Variants in SYTL2 observed in about 807,000 individuals in gnomAD.
The protein encoded by SYTL2 is synaptotagmin like 2.
Under a neutral mutation model 198.7 loss-of-function variants are expected in SYTL2, and 165 were observed. The observed-to-expected ratio is 0.83, with a 90% confidence interval of 0.73 to 0.94. The LOEUF (loss-of-function observed/expected upper bound fraction) is 0.94, where lower values mean the gene tolerates loss of function less well. Ranked by LOEUF, SYTL2 falls within the 40% of genes least tolerant of loss-of-function variation. SYTL2 has a pLI of 0.00. For missense variants in SYTL2, 2,835 were observed against 2,582.8 expected, an observed-to-expected ratio of 1.10 and a Z score of -2.12; for synonymous variants, 966 against 917.7, an observed-to-expected ratio of 1.05 and a Z score of -0.95.
At chr11:85,745,010 T>C (rs995827488) in intron 4 of SYTL2, among the ~76,000 whole-genome samples, 2 of 152,192 alleles carry the variant, frequency 1.3e-5, no homozygotes, top group Non-Finnish European at 1.5e-5. Context: ...ACTATAATAT[T>C]GAAGATAATC....
At chr11:85,806,330 G>A (rs2092958427) in intron 1 of SYTL2, among the ~76,000 whole-genome samples, 1 of 152,154 alleles carries the variant, frequency 6.6e-6, no homozygotes, top group African/African-American at 2.4e-5. Flanking sequence ...CCACTTAAGA[G>A]TGAGGTCATG....
At chr11:85,752,917 TAAAAAAAAAAAAA>T (rs1162431708) in intron 2 of SYTL2, among the ~76,000 whole-genome samples, 54 of 17,722 alleles carry the variant, frequency 3.0e-3, no homozygotes, top group South Asian at 0.017. Context: ...CTGCCTTCAT[TAAAAAAAAAAAAA>T]AAAAAAAAAA....
intron 1 of SYTL2, among the ~76,000 whole-genome samples, chr11:85,790,721 T>C (rs1240401709): frequency 6.6e-6 from 1 of 152,186 alleles, no homozygotes; most frequent in Non-Finnish European, 1.5e-5. Context: ...ATAACTGGGA[T>C]GTGCCCTATG....
chr11:85,699,617 G>C (rs1158911114), intron 17 of SYTL2, among the ~76,000 whole-genome samples: 2 of 152,054 alleles, frequency 1.3e-5, no homozygotes, highest in Non-Finnish European at 2.9e-5. Context: ...CTTTTCTTTA[G>C]TTCAGTCACT....
intron 1 of SYTL2, among the ~76,000 whole-genome samples, chr11:85,782,338 G>C (rs1452190902): frequency 6.6e-6 from 1 of 152,154 alleles, no homozygotes; most frequent in African/African-American, 2.4e-5. Flanking sequence ...GCACACAGCA[G>C]GGGGGCCCTG....
rs377321313 is a variant in SYTL2, at chr11:85,748,299, T to A, written c.226A>T (p.Met76Leu). 6.2e-7 allele frequency: 1 copy of A among 1,613,914 alleles called. No homozygotes were observed. Among genetic ancestry groups the A allele is most frequent in the East Asian group, 2.2e-5 (1 of 44,886 alleles). ...IHGADIIRASMRKKRPQIAAE... is the reference protein window; with the variant it reads ...IHGADIIRASLRKKRPQIAAE... The stretch of plus-strand genomic sequence containing the variant: ...GCTATCTGGGGCCTCTTCTTTCTCA[T>A]AGATGCTCTGATGATATCTGCGCCA... Residue 76 changes from methionine (M) to leucine (L), a missense_variant, in exon 3 of 20, where the codon ATG becomes TTG. Physicochemically the swap from Met to Leu is conservative, Grantham distance 15 (BLOSUM62 2). Around this residue, in one of 3 missense-constraint regions of SYTL2, gnomAD observed 2,645 missense variants for 2,381.7 expected, o/e 1.11. Transcript: ENST00000359152.
chr11:85,826,216 A>G, the SYTL2 span, among the ~76,000 whole-genome samples: 1 of 152,230 alleles, frequency 6.6e-6, no homozygotes. Context: ...AACATTGAAA[A>G]GCACTGCTTA....
At chr11:85,819,776 A>G in the SYTL2 span, among the ~76,000 whole-genome samples, 8 of 152,206 alleles carry the variant, frequency 5.3e-5, no homozygotes, top group African/African-American at 1.9e-4. Flanking sequence ...CCTCTCTCTC[A>G]TGCTCTAACA....
chr11:85,852,391 C>T, the SYTL2 span, among the ~76,000 whole-genome samples: 1 of 152,136 alleles, frequency 6.6e-6, no homozygotes. Context: ...GTCTCCCTCT[C>T]CCTCTCTATC....
In SYTL2 at chr11:85,724,890, G is replaced by A. The variant is rs2088903831; in HGVS notation, c.4468C>T (p.Pro1490Ser). Residue 1490 changes from proline to serine, a missense_variant, in exon 8 of 20, where the codon CCC becomes TCC. Physicochemically the swap from Pro to Ser is moderately conservative, Grantham distance 74. This residue lies in a region of SYTL2 where 2,645 missense variants were observed against 2,381.7 expected (regional missense o/e 1.11). Coordinates refer to ENST00000359152, the MANE Select transcript of SYTL2 (RefSeq NM_206927.4). ...EEIVRETIVQ[P>S]KSEFLEFSAG... ...CTGAATTCGAGGAACTCTGATTTGGGTTGAACAATTGTTTCCCTCACAATT... is the reference window on the plus strand; with the variant it reads ...CTGAATTCGAGGAACTCTGATTTGGATTGAACAATTGTTTCCCTCACAATT... 2 of 1,614,128 alleles carry A rather than the reference G, an allele frequency of 1.2e-6. No individual in the cohort carries two copies. The highest frequency in any genetic ancestry group is 1.7e-6 in the Non-Finnish European group (2 of 1,180,002).
At chr11:85,850,337 C>G in the SYTL2 span, among the ~76,000 whole-genome samples, 2 of 152,048 alleles carry the variant, frequency 1.3e-5, no homozygotes, top group East Asian at 3.8e-4. Context: ...AAGAAAAAAA[C>G]AAACAACCCC....
chr11:85,753,444 G>C (rs2091668871), intron 2 of SYTL2, among the ~76,000 whole-genome samples: 1 of 152,010 alleles, frequency 6.6e-6, no homozygotes, highest in Non-Finnish European at 1.5e-5. Flanking sequence ...CAGTGATCTG[G>C]AACCGTTATT....
chr11:85,723,775 AT>A (rs1186505110), intron 8 of SYTL2, among the ~76,000 whole-genome samples: 4 of 151,982 alleles, frequency 2.6e-5, no homozygotes, highest in East Asian at 3.9e-4. Flanking sequence ...AATATAAATA[AT>A]TTTTTTAATT....
At position 85,748,306 on chromosome 11, in the gene SYTL2, T is replaced by C; in HGVS notation, c.219A>G (p.Arg73=). The C allele has an allele frequency of 6.2e-7, 1 of 1,613,926 alleles. No homozygotes were observed. Among genetic ancestry groups the C allele is most frequent in the Middle Eastern group, 1.7e-4 (1 of 6,060 alleles). Residue 73 remains arginine, a synonymous_variant, in exon 3 of 20, where the codon AGA becomes AGG. Transcript: ENST00000359152. ...GGGGCCTCTTCTTTCTCATAGATGC[T>C]CTGATGATATCTGCGCCATGGATTT... The part of the protein sequence containing the change: ...RDKIHGADII[R]ASMRKKRPQI...
the SYTL2 span, among the ~76,000 whole-genome samples, chr11:85,847,855 T>C: frequency 6.6e-6 from 1 of 152,236 alleles, no homozygotes; most frequent in Non-Finnish European, 1.5e-5. Context: ...TTATAAATTC[T>C]AGATCCCAGT....
At chr11:85,738,388 A>G (rs2090522522) in intron 4 of SYTL2, among the ~76,000 whole-genome samples, 1 of 152,190 alleles carries the variant, frequency 6.6e-6, no homozygotes, top group Non-Finnish European at 1.5e-5. Flanking sequence ...AGATGAGCAG[A>G]AGGATATAAA....
intron 1 of SYTL2, among the ~76,000 whole-genome samples, chr11:85,792,860 T>C (rs975174783): frequency 2.0e-5 from 3 of 151,582 alleles, no homozygotes; most frequent in African/African-American, 7.3e-5. Flanking sequence ...TTCCCACCTA[T>C]GAGTGAGAAC....
chr11:85,723,575 G>T (rs2088672142), intron 8 of SYTL2, among the ~76,000 whole-genome samples: 1 of 152,162 alleles, frequency 6.6e-6, no homozygotes, highest in South Asian at 2.1e-4. Flanking sequence ...GCCAATTAAG[G>T]AAGAAATTCT....
intron 14 of SYTL2, among the ~76,000 whole-genome samples, chr11:85,709,028 T>C (rs990791124): frequency 7.3e-5 from 11 of 151,582 alleles, no homozygotes; most frequent in South Asian, 2.1e-4. Flanking sequence ...TTAGTAGAGA[T>C]GGGGTTTCAC....
Sources: allele counts gnomAD v4.1 joint callset (sites outside exome capture counted in the v4.1 genomes callset), GRCh38; gene constraint gnomAD v4.1.1; regional missense constraint gnomAD v4.1.1; transcripts MANE v1.5; gene names NCBI Gene and HGNC (gene_info 2026-07-23, HGNC 2026-07-21).